VWA3B: variants seen among roughly 807,000 people sequenced by gnomAD.
VWA3B encodes the protein von Willebrand factor A domain containing 3B.
In VWA3B, 138 loss-of-function variants were observed where a neutral mutation model predicts 158.3. That is an observed-to-expected ratio of 0.87 (90% CI 0.76 to 1.00). The LOEUF (loss-of-function observed/expected upper bound fraction) is 1.00, where lower values mean the gene tolerates loss of function less well. VWA3B is among the 50% of genes least tolerant of loss of function. The pLI is 0.00. For synonymous variants in VWA3B, 596 were observed against 587.3 expected, an observed-to-expected ratio of 1.01 and a Z score of -0.21; for missense variants, 1,555 against 1,565.1, an observed-to-expected ratio of 0.99 and a Z score of 0.11.
chr2:98,230,141 A>C lies in VWA3B; in HGVS notation c.2242A>C (p.Asn748His). The C allele has an allele frequency of 1.2e-6, 2 of 1,611,848 alleles. No homozygotes were observed. The highest frequency in any genetic ancestry group is 1.7e-4 in the Middle Eastern group (1 of 6,054). The change falls in exon 16 of 28, where the codon AAT becomes CAT. Residue 748 changes from asparagine to histidine, a missense_variant. By Grantham distance (68) the Asn-to-His change is moderately conservative (BLOSUM62 1). Coordinates refer to ENST00000477737, the MANE Select transcript of VWA3B (RefSeq NM_144992.5). ...DVDSTQTSSL[N>H]MLKGPWGLSD... Reference sequence around the variant, plus strand: ...CGATTCAACACAAACTTCATCTCTGAATATGTTGAAGGGACCATGGGGCCT... The same window carrying C: ...CGATTCAACACAAACTTCATCTCTGCATATGTTGAAGGGACCATGGGGCCT...
At chr2:98,203,445 A>G (rs1215650720) in intron 12 of VWA3B, among the ~76,000 whole-genome samples, 1 of 152,240 alleles carries the variant, frequency 6.6e-6, no homozygotes, top group African/African-American at 2.4e-5. Context: ...AATTGAAAAC[A>G]AACTTCTTTA....
At chr2:98,300,999 C>T (rs1031553494) in intron 25 of VWA3B, among the ~76,000 whole-genome samples, 2 of 152,066 alleles carry the variant, frequency 1.3e-5, no homozygotes, top group African/African-American at 4.8e-5. Context: ...AGTTAAAAGC[C>T]CTGTGTTTAG....
intron 7 of VWA3B, among the ~76,000 whole-genome samples, chr2:98,145,169 C>CTT (rs1677080907): frequency 6.6e-6 from 1 of 152,260 alleles, no homozygotes; most frequent in African/African-American, 2.4e-5. Context: ...ACAGTGTACC[C>CTT]TTTCCGTCTG....
At chr2:98,206,537 C>T (rs1574077615) in intron 12 of VWA3B, 1 of 499,354 alleles carries the variant, frequency 2.0e-6, no homozygotes. Flanking sequence ...TTCTGGTGCA[C>T]CAATCGAAAG....
intron 9 of VWA3B, among the ~76,000 whole-genome samples, chr2:98,185,325 CTTAAACTA>C (rs1250461561): frequency 4.6e-5 from 7 of 152,226 alleles, no homozygotes; most frequent in Admixed American, 4.6e-4. Flanking sequence ...TTTCCCTTCT[CTTAAACTA>C]TTGCACTCAC....
chr2:98,305,390 G>C (rs1311925136), intron 26 of VWA3B, among the ~76,000 whole-genome samples: 1 of 152,160 alleles, frequency 6.6e-6, no homozygotes, highest in Non-Finnish European at 1.5e-5. Context: ...CCAAGATTGG[G>C]TTTATATCCC....
chr2:98,172,188 C>A (rs950030382), intron 8 of VWA3B, among the ~76,000 whole-genome samples: 1 of 152,194 alleles, frequency 6.6e-6, no homozygotes, highest in South Asian at 2.1e-4. Context: ...TCGGATCACA[C>A]GTGGGCTTGG....
chr2:98,290,705 C>A (rs1346862002), intron 23 of VWA3B, 83 bp downstream of exon 23: 4 of 958,130 alleles, frequency 4.2e-6, no homozygotes, highest in Non-Finnish European at 6.4e-6. Context: ...TGTGCTTTTG[C>A]TAGAACACTG....
intron 7 of VWA3B, among the ~76,000 whole-genome samples, chr2:98,157,160 G>A (rs925724367): frequency 2.6e-5 from 4 of 152,210 alleles, no homozygotes; most frequent in African/African-American, 4.8e-5. Context: ...CGTATTAGAC[G>A]ATAGCTCAAG....
downstream of VWA3B, among the ~76,000 whole-genome samples, chr2:98,315,217 T>C (rs897319869): frequency 6.6e-6 from 1 of 152,208 alleles, no homozygotes; most frequent in Non-Finnish European, 1.5e-5. Flanking sequence ...CCTCAGATGA[T>C]TTGCACATTT....
intron 21 of VWA3B, among the ~76,000 whole-genome samples, chr2:98,259,606 A>T (rs1345527051): frequency 6.6e-6 from 1 of 151,586 alleles, no homozygotes; most frequent in African/African-American, 2.4e-5. Flanking sequence ...TTCACTTCTG[A>T]TAGTAGTAAT....
At chr2:98,096,007 T>C (rs758194649) in intron 2 of VWA3B, among the ~76,000 whole-genome samples, 2 of 152,226 alleles carry the variant, frequency 1.3e-5, no homozygotes, top group African/African-American at 2.4e-5. Context: ...TAATGTGTTA[T>C]TGAATTTGGT....
intron 22 of VWA3B, among the ~76,000 whole-genome samples, chr2:98,284,615 T>G (rs1439118271): frequency 6.6e-6 from 1 of 152,222 alleles, no homozygotes; most frequent in African/African-American, 2.4e-5. Flanking sequence ...AATACATAGC[T>G]ATAGCTATAT....
At chr2:98,269,051 G>C (rs917538846) in intron 21 of VWA3B, among the ~76,000 whole-genome samples, 2 of 151,958 alleles carry the variant, frequency 1.3e-5, no homozygotes, top group African/African-American at 4.8e-5. Flanking sequence ...CATTTCTTTG[G>C]GACCAATTTC....
chr2:98,242,560 A>G (rs941463312), intron 19 of VWA3B, among the ~76,000 whole-genome samples: 1 of 151,588 alleles, frequency 6.6e-6, no homozygotes, highest in Non-Finnish European at 1.5e-5. Context: ...CGTTATCATA[A>G]TGTCTTTTAC....
At chr2:98,129,965 C>A (rs1675730797) in intron 6 of VWA3B, among the ~76,000 whole-genome samples, 1 of 152,100 alleles carries the variant, frequency 6.6e-6, no homozygotes, top group African/African-American at 2.4e-5. Flanking sequence ...GAAAGAGACA[C>A]AAAGTATAGA....
chr2:98,232,555 T>C (rs1206599690), intron 16 of VWA3B, among the ~76,000 whole-genome samples: 1 of 152,130 alleles, frequency 6.6e-6, no homozygotes, highest in African/African-American at 2.4e-5. Context: ...ATTGAAGGTG[T>C]GATTGTTTTT....
intron 11 of VWA3B, among the ~76,000 whole-genome samples, chr2:98,193,940 T>C (rs1232786582): frequency 6.6e-6 from 1 of 152,132 alleles, no homozygotes; most frequent in Non-Finnish European, 1.5e-5. Context: ...TGAACAAGTG[T>C]ATAAAGTTGT....
chr2:98,171,742 A>G (rs1679605180), intron 8 of VWA3B, among the ~76,000 whole-genome samples: 1 of 152,182 alleles, frequency 6.6e-6, no homozygotes, highest in Admixed American at 6.5e-5. Context: ...GGGGACAAAC[A>G]GGATGAGGGA....
Sources: allele counts gnomAD v4.1 joint callset (sites outside exome capture counted in the v4.1 genomes callset), GRCh38; gene constraint gnomAD v4.1.1; transcripts MANE v1.5; gene names NCBI Gene and HGNC (gene_info 2026-07-23, HGNC 2026-07-21).